The following CTNNA2 variants were observed in gnomAD, a reference collection of about 807,000 sequenced individuals.
The protein encoded by CTNNA2 is catenin alpha 2.
CTNNA2 carries 42 observed loss-of-function variants against 101.0 expected under a neutral mutation model. The observed-to-expected ratio is 0.42, with a 90% CI of 0.32 to 0.54. The LOEUF (loss-of-function observed/expected upper bound fraction) is 0.54. Ranked by LOEUF, CTNNA2 falls within the 20% of genes least tolerant of loss-of-function variation. CTNNA2 has a pLI of 0.14. For synonymous variants in CTNNA2, 450 were observed against 456.4 expected, an observed-to-expected ratio of 0.99 and a Z score of 0.18; for missense variants, 871 against 1,223.1, an observed-to-expected ratio of 0.71 and a Z score of 4.29.
intron 7 of CTNNA2, among the ~76,000 whole-genome samples, chr2:80,306,449 T>TC (rs1491263932): frequency 4.4e-4 from 65 of 147,094 alleles, no homozygotes; most frequent in African/African-American, 1.4e-3. Context: ...TCTTTCTTTC[T>TC]TTCTCTCTCT....
intron 7 of CTNNA2, among the ~76,000 whole-genome samples, chr2:80,055,255 C>A (rs1697145009): frequency 6.6e-6 from 1 of 152,112 alleles, no homozygotes; most frequent in Non-Finnish European, 1.5e-5. Flanking sequence ...CCTCGAGCTC[C>A]TAGCCCCAAA....
At chr2:79,793,922 A>AC (rs1300148170) in intron 3 of CTNNA2, among the ~76,000 whole-genome samples, 1 of 149,834 alleles carries the variant, frequency 6.7e-6, no homozygotes, top group Non-Finnish European at 1.5e-5. Context: ...ACACACACAG[A>AC]AGAAGGAGAT....
chr2:80,102,466 T>A (rs1700602269), intron 7 of CTNNA2, among the ~76,000 whole-genome samples: 1 of 152,160 alleles, frequency 6.6e-6, no homozygotes, highest in Non-Finnish European at 1.5e-5. Flanking sequence ...CTGCCCTATT[T>A]CTCAGCAATC....
chr2:79,554,424 T>C (rs769615835), intron 1 of CTNNA2, among the ~76,000 whole-genome samples: 12 of 152,164 alleles, frequency 7.9e-5, no homozygotes, highest in African/African-American at 1.7e-4. Context: ...AGAGGACATA[T>C]GCTATATAGT....
At chr2:79,308,440 C>T (rs1676295449) in intron 2 of CTNNA2, among the ~76,000 whole-genome samples, 1 of 152,152 alleles carries the variant, frequency 6.6e-6, no homozygotes, top group Admixed American at 6.5e-5. Flanking sequence ...ATACTTTCTC[C>T]CATTTTGTAG....
At chr2:79,295,499 T>C (rs556110616) in intron 2 of CTNNA2, among the ~76,000 whole-genome samples, 1 of 152,090 alleles carries the variant, frequency 6.6e-6, no homozygotes, top group Non-Finnish European at 1.5e-5. Flanking sequence ...TCTTTTCTTT[T>C]TTTTCTTTTT....
intron 4 of CTNNA2, among the ~76,000 whole-genome samples, chr2:79,460,887 G>C (rs2104535392): frequency 6.6e-6 from 1 of 150,420 alleles, no homozygotes; most frequent in Admixed American, 6.6e-5. Context: ...TGTCACCCAG[G>C]CTGGAGTGCA....
chr2:79,218,883 G>C (rs1529790), intron 2 of CTNNA2, among the ~76,000 whole-genome samples: 10,264 of 152,148 alleles, frequency 0.067, 422 homozygotes, highest in East Asian at 0.15. Flanking sequence ...ATTGATACTT[G>C]TTTTCTAATC....
chr2:80,291,157 C>T (rs368127967), intron 7 of CTNNA2, among the ~76,000 whole-genome samples: 3 of 152,246 alleles, frequency 2.0e-5, no homozygotes, highest in Non-Finnish European at 4.4e-5. Context: ...AGTTTTTCCT[C>T]GTGGGATTTA....
intron 7 of CTNNA2, among the ~76,000 whole-genome samples, chr2:80,102,520 T>C (rs1377521231): frequency 1.3e-5 from 2 of 152,174 alleles, no homozygotes; most frequent in African/African-American, 4.8e-5. Context: ...TATTTATGTA[T>C]TTATTTAGAG....
At chr2:80,261,305 T>C (rs1158465478) in intron 7 of CTNNA2, among the ~76,000 whole-genome samples, 2 of 152,120 alleles carry the variant, frequency 1.3e-5, no homozygotes, top group Non-Finnish European at 2.9e-5. Flanking sequence ...GCTTTGATAA[T>C]TTAGCTCCTA....
chr2:80,023,375 T>C (rs576818234), intron 7 of CTNNA2, among the ~76,000 whole-genome samples: 2 of 152,356 alleles, frequency 1.3e-5, no homozygotes, highest in Admixed American at 6.5e-5. Context: ...TGTGTGTATA[T>C]GTGACTATTA....
At chr2:79,977,709 T>A (rs1013338931) in intron 7 of CTNNA2, among the ~76,000 whole-genome samples, 2 of 152,172 alleles carry the variant, frequency 1.3e-5, no homozygotes, top group Non-Finnish European at 2.9e-5. Context: ...TAACGCTTTT[T>A]AAAAAATCTT....
intron 7 of CTNNA2, among the ~76,000 whole-genome samples, chr2:80,354,204 A>T (rs1282631531): frequency 6.6e-6 from 1 of 152,174 alleles, no homozygotes; most frequent in Non-Finnish European, 1.5e-5. Context: ...ATTGAAAGAA[A>T]CAAATAAGAC....
In CTNNA2 at chr2:80,105,078, T is replaced by C. The variant is rs117072047; in HGVS notation, c.1056+195281T>C. Among the ~76,000 whole-genome samples the C allele has an allele frequency of 2.4e-3, 370 of 152,338 alleles. 3 individuals carry two copies. The East Asian group carries it at 0.026, about 11-fold the overall frequency. The stretch of plus-strand genomic sequence containing the variant: ...CTTCTTCAAAATGAAAGGAAAGCAA[T>C]TGTAATGGGACCGTCAGGACCAGGA... On this transcript the variant is annotated intron_variant, in intron 7 of 18. Coordinates refer to ENST00000402739, the MANE Select transcript of CTNNA2 (RefSeq NM_001282597.3).
At chr2:80,080,415 C>T (rs1699060622) in intron 7 of CTNNA2, among the ~76,000 whole-genome samples, 2 of 152,196 alleles carry the variant, frequency 1.3e-5, no homozygotes, top group Middle Eastern at 3.4e-3. Flanking sequence ...CTCGACAATT[C>T]GATAGGGAAA....
At chr2:79,412,159 G>A (rs375893319) in intron 4 of CTNNA2, among the ~76,000 whole-genome samples, 1 of 151,978 alleles carries the variant, frequency 6.6e-6, no homozygotes, top group Non-Finnish European at 1.5e-5. Flanking sequence ...GGCCATTACA[G>A]AATGGTAAAG....
chr2:80,066,797 G>T (rs1698012335), intron 7 of CTNNA2, among the ~76,000 whole-genome samples: 1 of 152,144 alleles, frequency 6.6e-6, no homozygotes, highest in Non-Finnish European at 1.5e-5. Context: ...CATGTTCATT[G>T]CAGCGTTATT....
chr2:79,403,955 A>T (rs1227800353), intron 4 of CTNNA2, among the ~76,000 whole-genome samples: 1 of 152,054 alleles, frequency 6.6e-6, no homozygotes, highest in African/African-American at 2.4e-5. Flanking sequence ...CGATACAAAC[A>T]GTCACAGTCC....
Sources: allele counts gnomAD v4.1 joint callset (sites outside exome capture counted in the v4.1 genomes callset), GRCh38; gene constraint gnomAD v4.1.1; transcripts MANE v1.5; gene names NCBI Gene and HGNC (gene_info 2026-07-23, HGNC 2026-07-21).